MYH3: variants seen among roughly 807,000 people sequenced by gnomAD.
The protein encoded by MYH3 is myosin heavy chain 3.
Under a neutral mutation model 238.0 loss-of-function variants are expected in MYH3, and 130 were observed. The observed-to-expected ratio is 0.55, with a 90% CI of 0.47 to 0.63. The LOEUF (loss-of-function observed/expected upper bound fraction) is 0.63, where lower values mean the gene tolerates loss of function less well. Among genes scored for constraint, MYH3 ranks in the 30% least tolerant of loss-of-function variants. The pLI is 0.00. For missense variants in MYH3, 1,853 were observed against 2,374.9 expected (o/e 0.78, Z 4.57); for synonymous variants, 880 against 924.1 (o/e 0.95, Z 0.86).
At chr17:10,674,414 G>A in the MYH3 span, 159 of 283,682 alleles carry the variant, frequency 5.6e-4, 1 homozygote, top group African/African-American at 3.1e-3. Context: ...CAACAAGAGC[G>A]AAACTCCATC....
chr17:10,672,998 CTTTTTTTTCT>C, the MYH3 span: 11 of 135,202 alleles, frequency 8.1e-5, no homozygotes, highest in Admixed American at 1.6e-4. Flanking sequence ...CCTAATTTTT[CTTTTTTTTCT>C]TTTTTTTTTT....
At chr17:10,639,844 G>A in intron 22 of MYH3, 42 bp from the exon 23 acceptor site, 1 of 1,611,324 alleles carries the variant, frequency 6.2e-7, no homozygotes, top group Non-Finnish European at 8.5e-7. Flanking sequence ...ATGATATAAG[G>A]TTTGCGACAT....
intron 4 of MYH3, chr17:10,652,095 A>C: frequency 4.8e-6 from 2 of 419,766 alleles, no homozygotes; most frequent in Non-Finnish European, 4.5e-6. Context: ...GGGGGAGGCT[A>C]CCATTCCTAT....
Position 10,642,284 on chromosome 17 carries a change from T to G in MYH3, c.1915A>C (p.Lys639Gln), listed in dbSNP as rs751157272. ...DADSGKKKVA[K>Q]KKGSSFQTVS... ...GTTTGGAAGGAAGAACCCTTCTTCTTGGCAACTTTCTTCTTTCCACTGTCA... is the reference window on the plus strand; with the variant it reads ...GTTTGGAAGGAAGAACCCTTCTTCTGGGCAACTTTCTTCTTTCCACTGTCA... The change falls in exon 17 of 41, where the codon AAG becomes CAG. Residue 639 changes from lysine (K) to glutamine (Q), a missense_variant. Physicochemically the swap from Lys to Gln is moderately conservative, Grantham distance 53 (BLOSUM62 1). Transcript: ENST00000583535. The surrounding 1 kb of genome is among the most constrained non-coding windows in gnomAD (Gnocchi z 5.4). 6 of 1,614,150 alleles carry G rather than the reference T, an allele frequency of 3.7e-6. No individual in the cohort carries two copies. The highest frequency in any genetic ancestry group is 5.1e-6 in the Non-Finnish European group (6 of 1,180,002).
intron 7 of MYH3, among the ~76,000 whole-genome samples, 187 bp from the exon 8 acceptor site, chr17:10,648,836 C>T (rs1276696341): frequency 3.3e-5 from 5 of 152,090 alleles, no homozygotes; most frequent in South Asian, 2.1e-4. Context: ...CTACCATGCC[C>T]GGCTAATTTT....
At chr17:10,641,705 G>A (rs1438157749) in intron 17 of MYH3, among the ~76,000 whole-genome samples, 4 of 151,982 alleles carry the variant, frequency 2.6e-5, no homozygotes, top group South Asian at 2.1e-4. Context: ...TAATGGAGAC[G>A]GGGTTTTACT....
At chr17:10,653,786 G>A (rs3815009) in intron 3 of MYH3, among the ~76,000 whole-genome samples, 86,980 of 152,016 alleles carry the variant, frequency 0.57, 27,776 homozygotes, top group Non-Finnish European at 0.73. Flanking sequence ...AAACCATCCC[G>A]GCCAATGGGC....
the MYH3 span, among the ~76,000 whole-genome samples, chr17:10,668,482 C>T: frequency 8.6e-5 from 13 of 152,006 alleles, no homozygotes; most frequent in Non-Finnish European, 1.9e-4. Flanking sequence ...AAATGCAATA[C>T]TACATGAACC....
Position 10,654,845 on chromosome 17 carries a change from G to C in MYH3, c.204+16C>G. On this transcript the variant is annotated intron_variant, in intron 3 of 40. Coordinates refer to ENST00000583535, the MANE Select transcript of MYH3 (RefSeq NM_002470.4). This position sits in a 1 kb window ranked among gnomAD's most constrained non-coding sequence, Gnocchi z 4.5. ...AGGTGGAGGGCCAGCAGCCTGTGGA[G>C]GGTACAGAGCCTTACCCTGTTGTCC... 2 of 1,613,142 alleles carry C rather than the reference G, an allele frequency of 1.2e-6. No individual in the cohort carries two copies. Among genetic ancestry groups the C allele is most frequent in the Non-Finnish European group, 1.7e-6 (2 of 1,179,102 alleles).
chr17:10,631,902 C>G lies in MYH3; in HGVS notation c.5071G>C (p.Ala1691Pro), dbSNP rs770715754. Residue 1691 changes from alanine (A) to proline (P), a missense_variant, in exon 35 of 41, where the codon GCT becomes CCT. By Grantham distance (27) the Ala-to-Pro change is conservative. This residue lies in a region of MYH3 where 1,044 missense variants were observed against 1,192.6 expected (regional missense o/e 0.88). Transcript: ENST00000583535. ...LLQAEVEELR[A>P]TLEQTERARK... Reference sequence around the variant, plus strand: ...GCCCTCTCCGTCTGCTCCAGAGTAGCCCGCAGCTCCTCCACCTCGGCCTGC... The same window carrying G: ...GCCCTCTCCGTCTGCTCCAGAGTAGGCCGCAGCTCCTCCACCTCGGCCTGC... 2.5e-6 allele frequency: 4 copies of G among 1,614,182 alleles called. No individual in the cohort carries two copies. The Admixed American group carries it at 6.7e-5, about 27-fold the overall frequency.
chr17:10,629,394 G>A (rs566523570), intron 40 of MYH3, among the ~76,000 whole-genome samples: 1 of 152,290 alleles, frequency 6.6e-6, no homozygotes, highest in African/African-American at 2.4e-5. Context: ...ATTCCATGGT[G>A]TACATGTGCA....
chr17:10,668,672 CTG>C, the MYH3 span, among the ~76,000 whole-genome samples: 3 of 152,198 alleles, frequency 2.0e-5, no homozygotes, highest in Non-Finnish European at 4.4e-5. Context: ...ACGCAGGACA[CTG>C]TTGCTTACTT....
the MYH3 span, among the ~76,000 whole-genome samples, chr17:10,667,142 G>A: frequency 0.21 from 31,733 of 152,138 alleles, 3,523 homozygotes; most frequent in Non-Finnish European, 0.25. Context: ...CAACTGCTAC[G>A]GAGGATAATT....
rs190434808 is a variant in MYH3, at chr17:10,629,565, G to T, written c.5796+32C>A. 1.6e-5 allele frequency: 25 copies of T among 1,591,670 alleles called. No individual in the cohort carries two copies. In the Admixed American group the frequency reaches 2.7e-4, roughly 17 times the overall value. On this transcript the variant is annotated intron_variant, in intron 40 of 40. Transcript: ENST00000583535. ...CAGCTAAGAAGTTTCTACAGTCCCT[G>T]GGGGGGGGCTCCTCCCAGCTCAGCG...
chr17:10,651,902 C>T (rs1187672017), intron 4 of MYH3: 1 of 522,258 alleles, frequency 1.9e-6, no homozygotes, highest in Non-Finnish European at 3.3e-6. Flanking sequence ...TGCCATCACG[C>T]CCGGCTAATT....
At chr17:10,669,071 A>T in the MYH3 span, among the ~76,000 whole-genome samples, 21 of 152,256 alleles carry the variant, frequency 1.4e-4, 1 homozygote, top group African/African-American at 4.8e-4. Context: ...GGAAACTATG[A>T]CTCAGTGGGG....
In MYH3 at chr17:10,645,792, C is replaced by T. The variant is rs1234941005; in HGVS notation, c.1056G>A (p.Lys352=). 6.2e-7 allele frequency: 1 copy of T among 1,613,818 alleles called. No homozygotes were observed. The highest frequency in any genetic ancestry group is 2.2e-5 in the East Asian group (1 of 44,784). Residue 352 remains lysine (K), a synonymous_variant, in exon 12 of 41, where the codon AAG becomes AAA. Coordinates refer to ENST00000583535, the MANE Select transcript of MYH3 (RefSeq NM_002470.4). ...FTPEEKSGLY[K]LTGAVMHYGN... is the part of the protein sequence containing the mutation. ...CGTAGTGCATCACGGCTCCCGTCAG[C>T]TTGTAGAGCCCAGATTTCTCTTCTG... is the stretch of plus-strand genomic sequence containing the variant.
chr17:10,664,386 A>G, the MYH3 span, among the ~76,000 whole-genome samples: 7 of 152,134 alleles, frequency 4.6e-5, no homozygotes, highest in African/African-American at 1.7e-4. Flanking sequence ...ACCGGCCAGG[A>G]TTATAATGGA....
At position 10,642,805 on chromosome 17, in the gene MYH3, G is replaced by A. The variant is rs780775479; in HGVS notation, c.1581+21C>T. 1.7e-5 allele frequency: 27 copies of A among 1,613,998 alleles called. No individual in the cohort carries two copies. The highest frequency in any genetic ancestry group is 1.2e-4 in the Admixed American group (7 of 60,000). On this transcript the variant is annotated intron_variant, in intron 15 of 40. Transcript: ENST00000583535. This position sits in a 1 kb window ranked among gnomAD's most constrained non-coding sequence, Gnocchi z 5.4. ...AGAAGAGTCTATGAGAAGAGCTTAC[G>A]GTGGGGATGGAACTGGATACCTTCT...
Sources: allele counts gnomAD v4.1 joint callset (sites outside exome capture counted in the v4.1 genomes callset), GRCh38; gene constraint gnomAD v4.1.1; regional missense constraint gnomAD v4.1.1; non-coding constraint Gnocchi (gnomAD v3.1); transcripts MANE v1.5; gene names NCBI Gene and HGNC (gene_info 2026-07-23, HGNC 2026-07-21).